The following DPP6 variants were observed in gnomAD, a reference collection of about 807,000 sequenced individuals.
DPP6 encodes the protein dipeptidyl peptidase like 6, also known as A-type potassium channel modulatory protein DPP6.
DPP6 carries 69 observed loss-of-function variants against 122.6 expected under a neutral mutation model. The observed-to-expected ratio is 0.56, with a 90% CI of 0.46 to 0.69. The LOEUF (loss-of-function observed/expected upper bound fraction) is 0.69. DPP6 is among the 30% of genes least tolerant of loss of function. The pLI, the probability that DPP6 is intolerant of heterozygous loss-of-function variation, is 0.00. For missense variants in DPP6, 928 were observed against 1,116.9 expected (o/e 0.83, Z 2.41); for synonymous variants, 418 against 433.1 (o/e 0.97, Z 0.43).
intron 1 of DPP6, among the ~76,000 whole-genome samples, chr7:154,329,227 C>T (rs11765968): frequency 0.46 from 69,369 of 152,126 alleles, 17,338 homozygotes; most frequent in East Asian, 0.69. Flanking sequence ...GCACCACATA[C>T]AGTCCAGCAT....
At chr7:153,888,235 C>G (rs960802560) in intron 1 of DPP6, among the ~76,000 whole-genome samples, 4 of 152,330 alleles carry the variant, frequency 2.6e-5, no homozygotes, top group South Asian at 4.1e-4. Flanking sequence ...CGCTCCGCTC[C>G]GTTCCAGACG....
In DPP6 at chr7:154,005,794, T is replaced by G. The variant is rs1585164161; in HGVS notation, c.51+118060T>G. On this transcript the variant is annotated intron_variant, in intron 1 of 25. Coordinates refer to the DPP6 transcript ENST00000404039. ...AAGTGGGTAGGGTTTTCTTGGACTC[T>G]CACTTCACCTTCCGGTTGGACGAGC... Among the ~76,000 whole-genome samples the G allele has an allele frequency of 4.0e-5, 6 of 151,572 alleles. No individual in the cohort carries two copies. The East Asian group carries it at 1.2e-3, about 30-fold the overall frequency.
intron 1 of DPP6, among the ~76,000 whole-genome samples, chr7:153,918,567 T>TCACACACACA (rs1563006184): frequency 7.4e-4 from 34 of 46,118 alleles, no homozygotes; most frequent in South Asian, 2.9e-3. Flanking sequence ...ACACACACAG[T>TCACACACACA]CTCTCTCTCT....
chr7:154,238,628 C>A (rs796244590), intron 1 of DPP6, among the ~76,000 whole-genome samples: 31 of 152,344 alleles, frequency 2.0e-4, no homozygotes, highest in African/African-American at 7.2e-4. Context: ...TGAACTCAAG[C>A]ACACTGGTTC....
chr7:154,184,903 T>C (rs1232698200), intron 1 of DPP6, among the ~76,000 whole-genome samples: 1 of 152,222 alleles, frequency 6.6e-6, no homozygotes, highest in Non-Finnish European at 1.5e-5. Context: ...CAGTTTAGCA[T>C]CTGAGCCACG....
At chr7:153,861,618 C>A in the DPP6 span, among the ~76,000 whole-genome samples, 1 of 152,078 alleles carries the variant, frequency 6.6e-6, no homozygotes, top group African/African-American at 2.4e-5. Context: ...TTCAATGGTA[C>A]AATTTTTGGA....
chr7:154,612,834 C>A (rs532185763), intron 5 of DPP6, among the ~76,000 whole-genome samples: 34 of 147,302 alleles, frequency 2.3e-4, no homozygotes, highest in Non-Finnish European at 4.5e-4. Context: ...TTTAGGCATT[C>A]TAATAGGACT....
At chr7:154,422,850 A>G (rs1370373092) in intron 1 of DPP6, among the ~76,000 whole-genome samples, 4 of 152,208 alleles carry the variant, frequency 2.6e-5, no homozygotes, top group Non-Finnish European at 5.9e-5. Context: ...GCCAGAAAAG[A>G]CAGATCCAGA....
chr7:154,589,974 C>T (rs1296278030), intron 5 of DPP6, among the ~76,000 whole-genome samples: 3 of 152,200 alleles, frequency 2.0e-5, no homozygotes, highest in African/African-American at 7.2e-5. Flanking sequence ...CCTAGCTAAT[C>T]CTCTTGTCTT....
chr7:154,656,065 A>G (rs534562899), intron 6 of DPP6, among the ~76,000 whole-genome samples: 77 of 151,830 alleles, frequency 5.1e-4, no homozygotes, highest in African/African-American at 1.6e-3. Context: ...TGACAGTGAC[A>G]GAGAAGGGTG....
At chr7:154,451,787 AG>A (rs2151299483) in intron 2 of DPP6, among the ~76,000 whole-genome samples, 1 of 152,360 alleles carries the variant, frequency 6.6e-6, no homozygotes, top group Non-Finnish European at 1.5e-5. Flanking sequence ...ATACACATGC[AG>A]CTGAGCCTTG....
At chr7:154,089,004 G>A (rs920552758) in intron 1 of DPP6, among the ~76,000 whole-genome samples, 3 of 152,090 alleles carry the variant, frequency 2.0e-5, no homozygotes, top group East Asian at 1.9e-4. Flanking sequence ...CTCAGAGCAC[G>A]TCCAGCCCAG....
At chr7:154,501,465 C>T (rs1825239048) in intron 3 of DPP6, among the ~76,000 whole-genome samples, 1 of 152,182 alleles carries the variant, frequency 6.6e-6, no homozygotes, top group South Asian at 2.1e-4. Context: ...GTGCTGTGTG[C>T]AGCCTAGGGA....
At chr7:153,879,375 ATTTG>A in the DPP6 span, among the ~76,000 whole-genome samples, 1 of 152,014 alleles carries the variant, frequency 6.6e-6, no homozygotes, top group African/African-American at 2.4e-5. Context: ...TCTTTTATTT[ATTTG>A]TTTCTTTCTT....
At chr7:154,327,474 A>G (rs1325604899) in intron 1 of DPP6, among the ~76,000 whole-genome samples, 1 of 152,204 alleles carries the variant, frequency 6.6e-6, no homozygotes, top group African/African-American at 2.4e-5. Context: ...TAAAGGTAAA[A>G]TCAATTTTGA....
At chr7:154,059,251 C>T (rs1234191266) in intron 1 of DPP6, 2 of 147,326 alleles carry the variant, frequency 1.4e-5, no homozygotes, top group African/African-American at 2.6e-5. Context: ...CCCACTGGCT[C>T]TTAGGACACC....
At chr7:154,127,660 C>G (rs1350320770) in intron 1 of DPP6, among the ~76,000 whole-genome samples, 20 of 147,832 alleles carry the variant, frequency 1.4e-4, no homozygotes, top group African/African-American at 5.0e-4. Flanking sequence ...CAGACACACA[C>G]ACACACACAC....
At chr7:154,608,337 A>T (rs200828683) in intron 5 of DPP6, among the ~76,000 whole-genome samples, 12,066 of 120,414 alleles carry the variant, frequency 0.1, 1,488 homozygotes, top group African/African-American at 0.26. Flanking sequence ...ATATATATAT[A>T]TATATTTTGA....
At chr7:154,590,118 G>A (rs1044296845) in intron 5 of DPP6, among the ~76,000 whole-genome samples, 7 of 152,026 alleles carry the variant, frequency 4.6e-5, no homozygotes, top group East Asian at 1.9e-4. Context: ...AACACAAACC[G>A]ATTTGCTCTC....
Sources: gnomAD v4.1 joint callset for allele counts (sites outside exome capture counted in the v4.1 genomes callset) on GRCh38, gnomAD v4.1.1 for gene constraint, MANE v1.5 for transcripts, NCBI Gene and HGNC (gene_info 2026-07-23, HGNC 2026-07-21) for gene names.